The following ARHGAP24 variants were observed in gnomAD, a reference collection of about 807,000 sequenced individuals.
ARHGAP24 encodes rho GTPase-activating protein 24.
ARHGAP24 carries 50 observed loss-of-function variants against 76.4 expected under a neutral mutation model. That is an observed-to-expected ratio of 0.65 (90% CI 0.52 to 0.83). ARHGAP24 has a LOEUF of 0.83. ARHGAP24 is among the 40% of genes least tolerant of loss of function. The pLI, the probability that ARHGAP24 is intolerant of heterozygous loss-of-function variation, is 0.00. For missense variants in ARHGAP24, 930 were observed against 914.2 expected, an observed-to-expected ratio of 1.02 and a Z score of -0.22; for synonymous variants, 345 against 323.3, an observed-to-expected ratio of 1.07 and a Z score of -0.72.
At chr4:85,838,105 A>G (rs1007930876) in intron 3 of ARHGAP24, among the ~76,000 whole-genome samples, 11 of 152,186 alleles carry the variant, frequency 7.2e-5, no homozygotes, top group African/African-American at 2.7e-4. Context: ...TACATTACTT[A>G]TACACTTTTA....
chr4:85,610,248 C>T (rs1369059287), intron 2 of ARHGAP24, among the ~76,000 whole-genome samples: 1 of 151,782 alleles, frequency 6.6e-6, no homozygotes, highest in Non-Finnish European at 1.5e-5. Flanking sequence ...TTGAGACCAT[C>T]CTGGCTAACA....
chr4:85,576,021 A>T (rs1727355903), intron 2 of ARHGAP24, among the ~76,000 whole-genome samples: 1 of 152,246 alleles, frequency 6.6e-6, no homozygotes, highest in African/African-American at 2.4e-5. Flanking sequence ...CCTGATCAAG[A>T]TGACACTATA....
chr4:85,626,682 G>T (rs927010706), intron 2 of ARHGAP24, among the ~76,000 whole-genome samples: 4 of 152,096 alleles, frequency 2.6e-5, no homozygotes, highest in Admixed American at 6.6e-5. Context: ...TTCCAACTTG[G>T]TTCCATTCTC....
intron 3 of ARHGAP24, among the ~76,000 whole-genome samples, chr4:85,876,046 A>G (rs1185901864): frequency 6.6e-6 from 1 of 152,094 alleles, no homozygotes; most frequent in Non-Finnish European, 1.5e-5. Context: ...CTCAGCTGGA[A>G]TAGATATATT....
In ARHGAP24 at chr4:85,514,817, TAAAAAAA is replaced by T. The variant is rs773699457; in HGVS notation, c.-21+39278_-21+39284del. Among the ~76,000 whole-genome samples, 822 of 82,496 alleles carry T rather than the reference TAAAAAAA, an allele frequency of 1.0e-2. 17 individuals are homozygous for T. The highest frequency in any genetic ancestry group is 0.036 in the African/African-American group (771 of 21,552). 54.1% of individuals were successfully genotyped at this position (82,496 alleles called of 152,430 possible). A position where few individuals can be genotyped will look rare whatever the true frequency, so the allele number is the denominator to read the frequency against. ...AATATATAGAAATTACTCTAAATTG[TAAAAAAA>T]AAAAAAAAAAAAAAAAAAAGTGATA... On this transcript the variant is annotated intron_variant, in intron 1 of 9. Coordinates refer to ENST00000395184, the MANE Select transcript of ARHGAP24 (RefSeq NM_001025616.3).
intron 2 of ARHGAP24, among the ~76,000 whole-genome samples, chr4:85,676,436 A>C (rs1722982792): frequency 6.6e-6 from 1 of 152,108 alleles, no homozygotes; most frequent in Admixed American, 6.6e-5. Context: ...ACTGTTAAGC[A>C]AGCTCCCCCG....
intron 1 of ARHGAP24, among the ~76,000 whole-genome samples, chr4:85,495,216 T>C (rs1723519519): frequency 6.6e-6 from 1 of 152,114 alleles, no homozygotes. Flanking sequence ...ATCTTTACAC[T>C]TCTTTCTTTC....
At chr4:85,903,445 T>G (rs1212469135) in intron 3 of ARHGAP24, among the ~76,000 whole-genome samples, 2 of 152,148 alleles carry the variant, frequency 1.3e-5, no homozygotes, top group African/African-American at 4.8e-5. Context: ...GCAGTTATAT[T>G]TTGATATGTT....
At chr4:85,856,761 C>T (rs1049061971) in intron 3 of ARHGAP24, among the ~76,000 whole-genome samples, 9 of 152,188 alleles carry the variant, frequency 5.9e-5, no homozygotes, top group South Asian at 4.1e-4. Context: ...TGAGCCACCG[C>T]GCCCGGCTGG....
intron 2 of ARHGAP24, among the ~76,000 whole-genome samples, chr4:85,667,429 C>T (rs1473552438): frequency 6.6e-6 from 1 of 151,590 alleles, no homozygotes; most frequent in Non-Finnish European, 1.5e-5. Flanking sequence ...GGAAAGGGAA[C>T]TCCCTGACCC....
chr4:85,805,322 T>C (rs562868820), intron 3 of ARHGAP24, among the ~76,000 whole-genome samples: 22 of 152,262 alleles, frequency 1.4e-4, no homozygotes, highest in African/African-American at 4.6e-4. Flanking sequence ...TTAGGTCCTC[T>C]AAGAGTCAAT....
chr4:85,661,674 C>A (rs1456257907), intron 2 of ARHGAP24, among the ~76,000 whole-genome samples: 1 of 151,936 alleles, frequency 6.6e-6, no homozygotes, highest in Non-Finnish European at 1.5e-5. Flanking sequence ...CCCCTTCCCC[C>A]ACCCCACAAC....
chr4:85,805,293 C>G (rs1335406364), intron 3 of ARHGAP24, among the ~76,000 whole-genome samples: 1 of 152,130 alleles, frequency 6.6e-6, no homozygotes, highest in Non-Finnish European at 1.5e-5. Context: ...TCGAAAAGCA[C>G]TAAAGGCAAA....
chr4:85,638,992 A>G (rs1321090428), intron 2 of ARHGAP24, among the ~76,000 whole-genome samples: 1 of 152,164 alleles, frequency 6.6e-6, no homozygotes. Context: ...TTACATGGGC[A>G]TGGAGCTGAC....
At chr4:85,684,576 G>A (rs1039209091) in intron 2 of ARHGAP24, among the ~76,000 whole-genome samples, 19 of 151,964 alleles carry the variant, frequency 1.3e-4, no homozygotes, top group African/African-American at 3.6e-4. Flanking sequence ...TATGCTGTCC[G>A]TTTCCGTCCA....
intron 3 of ARHGAP24, among the ~76,000 whole-genome samples, chr4:85,823,853 T>TCCCCC (rs1729586497): frequency 8.0e-6 from 1 of 125,160 alleles, no homozygotes; most frequent in African/African-American, 3.0e-5. Flanking sequence ...CTCCCTTCCC[T>TCCCCC]CCCCTCCCCT....
intron 1 of ARHGAP24, among the ~76,000 whole-genome samples, chr4:85,505,988 G>A (rs1724029915): frequency 6.6e-6 from 1 of 152,098 alleles, no homozygotes. Flanking sequence ...TCCCTCAGCT[G>A]CAGGTCTGTT....
intron 3 of ARHGAP24, among the ~76,000 whole-genome samples, chr4:85,753,218 A>G (rs1481847635): frequency 6.6e-6 from 1 of 152,222 alleles, no homozygotes; most frequent in African/African-American, 2.4e-5. Context: ...TAAATTGTAT[A>G]GAGATGTTCT....
chr4:85,905,924 A>G (rs1186931298), intron 3 of ARHGAP24, among the ~76,000 whole-genome samples: 1 of 152,144 alleles, frequency 6.6e-6, no homozygotes, highest in Non-Finnish European at 1.5e-5. Context: ...CTGTGTACCA[A>G]TTAGTACACT....
Sources: gnomAD v4.1 joint callset for allele counts (sites outside exome capture counted in the v4.1 genomes callset) on GRCh38, gnomAD v4.1.1 for gene constraint, MANE v1.5 for transcripts, NCBI Gene and HGNC (gene_info 2026-07-23, HGNC 2026-07-21) for gene names.